Variants in MORC1 observed in about 807,000 individuals in gnomAD.
MORC1 encodes the protein MORC family CW-type zinc finger protein 1.
In MORC1, 59 loss-of-function variants were observed where a neutral mutation model predicts 134.9. That is an observed-to-expected ratio of 0.44 (90% CI 0.35 to 0.54). MORC1 has a LOEUF of 0.54. MORC1 is among the 20% of genes least tolerant of loss of function. MORC1 has a pLI of 0.00. For synonymous variants in MORC1, 395 were observed against 391.7 expected, an observed-to-expected ratio of 1.01 and a Z score of -0.10; for missense variants, 947 against 1,134.5, an observed-to-expected ratio of 0.83 and a Z score of 2.37.
intron 8 of MORC1, among the ~76,000 whole-genome samples, chr3:109,089,518 T>C (rs1950676945): frequency 6.6e-6 from 1 of 152,098 alleles, no homozygotes; most frequent in Admixed American, 6.5e-5. Context: ...CTCTAAACTT[T>C]AATCATCTGT....
At chr3:108,987,233 A>T (rs1036832407) in intron 21 of MORC1, among the ~76,000 whole-genome samples, 1 of 152,186 alleles carries the variant, frequency 6.6e-6, no homozygotes, top group African/African-American at 2.4e-5. Context: ...TTAAAAATTG[A>T]TATTACACAT....
chr3:109,081,114 A>G (rs1288502885), intron 8 of MORC1, among the ~76,000 whole-genome samples: 1 of 152,208 alleles, frequency 6.6e-6, no homozygotes, highest in East Asian at 1.9e-4. Flanking sequence ...TTATAAGAGA[A>G]TACATCTAAA....
At chr3:109,100,554 ACTGGCC>A in intron 4 of MORC1, 47 bp from the exon 5 acceptor site, 1 of 1,448,192 alleles carries the variant, frequency 6.9e-7, no homozygotes, top group Non-Finnish European at 9.7e-7. Flanking sequence ...ACTCTTTGAC[ACTGGCC>A]TGAGGCCCAG....
At chr3:108,991,821 G>GT (rs1328787023) in intron 21 of MORC1, among the ~76,000 whole-genome samples, 1 of 152,074 alleles carries the variant, frequency 6.6e-6, no homozygotes, top group Non-Finnish European at 1.5e-5. Context: ...TCTATTCACA[G>GT]TACTGTTTTT....
At chr3:109,090,082 G>C (rs142728127) in intron 8 of MORC1, among the ~76,000 whole-genome samples, 75 of 152,132 alleles carry the variant, frequency 4.9e-4, no homozygotes, top group Non-Finnish European at 7.5e-4. Context: ...TGTGCATTCT[G>C]AAATTCTGAT....
intron 21 of MORC1, among the ~76,000 whole-genome samples, chr3:108,991,618 TG>T (rs749532691): frequency 1.3e-5 from 2 of 152,216 alleles, no homozygotes; most frequent in Non-Finnish European, 2.9e-5. Flanking sequence ...TTAAAATTTC[TG>T]GAGTTAAGCT....
At chr3:109,042,529 TC>T (rs1949577120) in intron 14 of MORC1, among the ~76,000 whole-genome samples, 1 of 152,162 alleles carries the variant, frequency 6.6e-6, no homozygotes, top group Non-Finnish European at 1.5e-5. Flanking sequence ...GGAGTTTCCT[TC>T]AAAAATTAAA....
intron 21 of MORC1, among the ~76,000 whole-genome samples, chr3:108,997,194 G>GT (rs915886920): frequency 2.6e-5 from 4 of 151,982 alleles, no homozygotes; most frequent in Middle Eastern, 3.2e-3. Context: ...AATAAGGATT[G>GT]TCCCACTGGG....
At chr3:108,992,873 T>C (rs1948105214) in intron 21 of MORC1, among the ~76,000 whole-genome samples, 1 of 152,188 alleles carries the variant, frequency 6.6e-6, no homozygotes, top group Non-Finnish European at 1.5e-5. Context: ...ATTTTCATTC[T>C]CCTAGCTCAC....
chr3:109,103,982 T>A, intron 3 of MORC1, 65 bp from the exon 4 acceptor site: 1 of 1,390,756 alleles, frequency 7.2e-7, no homozygotes, highest in South Asian at 1.2e-5. Context: ...AAAGTCATGC[T>A]GCTAGAATAA....
chr3:109,006,936 A>C, intron 18 of MORC1, 93 bp downstream of exon 18: 1 of 986,682 alleles, frequency 1.0e-6, no homozygotes. Flanking sequence ...TGTGAACCTC[A>C]TAAACCATGA....
At chr3:109,054,420 C>G in intron 14 of MORC1, among the ~76,000 whole-genome samples, 1 of 152,166 alleles carries the variant, frequency 6.6e-6, no homozygotes, top group Admixed American at 6.5e-5. Flanking sequence ...AGTCCCAGTG[C>G]CCAGAGCAGG....
At chr3:108,974,550 G>A (rs1009991028) in intron 24 of MORC1, among the ~76,000 whole-genome samples, 1 of 152,112 alleles carries the variant, frequency 6.6e-6, no homozygotes, top group Admixed American at 6.5e-5. Flanking sequence ...CAGGAGACAC[G>A]AAGCACAAAA....
At chr3:109,078,903 A>G (rs535622077) in intron 8 of MORC1, among the ~76,000 whole-genome samples, 2 of 151,972 alleles carry the variant, frequency 1.3e-5, no homozygotes, top group Non-Finnish European at 2.9e-5. Flanking sequence ...GAATGTTTTT[A>G]TAAGAAATTA....
At chr3:108,996,284 G>GCACACACA (rs1367526527) in intron 21 of MORC1, among the ~76,000 whole-genome samples, 14,530 of 77,352 alleles carry the variant, frequency 0.19, 756 homozygotes, top group Non-Finnish European at 0.24. Flanking sequence ...GTGCGCGCGC[G>GCACACACA]CGCACACACA....
At chr3:109,035,942 T>C (rs1019682286) in intron 14 of MORC1, among the ~76,000 whole-genome samples, 1 of 152,212 alleles carries the variant, frequency 6.6e-6, no homozygotes, top group African/African-American at 2.4e-5. Flanking sequence ...CCAGTCTTTA[T>C]TGTTTATGCA....
At chr3:109,040,427 G>GGAAGGAAGGAAAGAAAGAAA (rs1248788787) in intron 14 of MORC1, among the ~76,000 whole-genome samples, 48 of 48,374 alleles carry the variant, frequency 9.9e-4, no homozygotes, top group East Asian at 2.5e-3. Context: ...AAGGAAGGAA[G>GGAAGGAAGGAAAGAAAGAAA]GAAAGAAAGA....
intron 3 of MORC1, among the ~76,000 whole-genome samples, chr3:109,109,342 T>C (rs912849383): frequency 2.0e-5 from 3 of 152,180 alleles, no homozygotes; most frequent in African/African-American, 7.2e-5. Flanking sequence ...TTTTTCTCAG[T>C]GCACTATCCC....
intron 22 of MORC1, 137 bp from the exon 23 acceptor site, chr3:108,984,919 A>C: frequency 1.6e-6 from 1 of 615,426 alleles, no homozygotes. Flanking sequence ...AAACTGTACC[A>C]GTTGTAACGA....
Sources: gnomAD v4.1 joint callset for allele counts (sites outside exome capture counted in the v4.1 genomes callset) on GRCh38, gnomAD v4.1.1 for gene constraint, MANE v1.5 for transcripts, NCBI Gene and HGNC (gene_info 2026-07-23, HGNC 2026-07-21) for gene names.